PARD3: variants seen among roughly 807,000 people sequenced by gnomAD.
PARD3 encodes the protein partitioning defective 3 homolog.
In PARD3, 75 loss-of-function variants were observed where a neutral mutation model predicts 155.4. The ratio of observed to expected loss-of-function variants is 0.48; its 90% CI spans 0.40 to 0.58. The LOEUF is 0.58. PARD3 is among the 20% of genes least tolerant of loss of function. PARD3 has a pLI of 0.00. For synonymous variants in PARD3, 576 were observed against 610.5 expected (o/e 0.94, Z 0.83); for missense variants, 1,642 against 1,721.7 (o/e 0.95, Z 0.82).
At chr10:34,162,843 C>T (rs1949350700) in intron 22 of PARD3, among the ~76,000 whole-genome samples, 1 of 152,132 alleles carries the variant, frequency 6.6e-6, no homozygotes. Flanking sequence ...CCAGCCTGGC[C>T]ACACACTTCC....
chr10:34,611,645 G>A (rs1172429977), intron 2 of PARD3, among the ~76,000 whole-genome samples: 1 of 151,936 alleles, frequency 6.6e-6, no homozygotes, highest in Non-Finnish European at 1.5e-5. Context: ...GGCTGTCTAG[G>A]AAAAAATCTG....
intron 2 of PARD3, among the ~76,000 whole-genome samples, chr10:34,519,039 C>G (rs992263748): frequency 1.3e-5 from 2 of 152,030 alleles, no homozygotes; most frequent in African/African-American, 4.8e-5. Flanking sequence ...TCCATCTAAT[C>G]GTGAGGAAAC....
intron 3 of PARD3, among the ~76,000 whole-genome samples, chr10:34,505,459 T>A (rs1405721213): frequency 6.6e-6 from 1 of 152,168 alleles, no homozygotes; most frequent in Non-Finnish European, 1.5e-5. Context: ...TTTTGAATGA[T>A]ACAGAGAGCT....
chr10:34,349,579 G>GAAAAAAAAAAAAAAA (rs1282340618), intron 14 of PARD3, among the ~76,000 whole-genome samples: 1 of 11,354 alleles, frequency 8.8e-5, no homozygotes, highest in African/African-American at 5.6e-4. Context: ...CTCTGGGAAA[G>GAAAAAAAAAAAAAAA]TAAAAAAAAA....
chr10:34,711,009 C>G (rs1238109441), intron 1 of PARD3, among the ~76,000 whole-genome samples: 1 of 152,108 alleles, frequency 6.6e-6, no homozygotes, highest in Non-Finnish European at 1.5e-5. Context: ...GACTCCATCT[C>G]TATAAAGCAA....
chr10:34,522,306 G>T (rs1456094057), intron 2 of PARD3, among the ~76,000 whole-genome samples: 1 of 152,054 alleles, frequency 6.6e-6, no homozygotes, highest in Non-Finnish European at 1.5e-5. Flanking sequence ...AGAAGGCAAG[G>T]ATATAGATTC....
chr10:34,229,750 G>A (rs1356361206), intron 22 of PARD3, among the ~76,000 whole-genome samples: 1 of 151,816 alleles, frequency 6.6e-6, no homozygotes, highest in Non-Finnish European at 1.5e-5. Flanking sequence ...TATGTTTTCA[G>A]TACACCTAAT....
chr10:34,753,821 A>G (rs1308492601), intron 1 of PARD3, among the ~76,000 whole-genome samples: 1 of 152,216 alleles, frequency 6.6e-6, no homozygotes, highest in Non-Finnish European at 1.5e-5. Flanking sequence ...CCGGGGCTGC[A>G]CAAGCCATCT....
intron 2 of PARD3, among the ~76,000 whole-genome samples, chr10:34,544,020 T>C (rs2083849781): frequency 6.6e-6 from 1 of 152,186 alleles, no homozygotes; most frequent in Admixed American, 6.5e-5. Context: ...CAACAAGACT[T>C]GGTTGACAAT....
chr10:34,542,959 G>C (rs493392), intron 2 of PARD3, among the ~76,000 whole-genome samples: 73,117 of 152,012 alleles, frequency 0.48, 18,375 homozygotes, highest in African/African-American at 0.64. Flanking sequence ...CTCAGGCCAT[G>C]AGAACATGCT....
chr10:34,744,872 C>A (rs1835114216), intron 1 of PARD3, among the ~76,000 whole-genome samples: 1 of 152,172 alleles, frequency 6.6e-6, no homozygotes, highest in Admixed American at 6.5e-5. Context: ...TCCAGATGGT[C>A]ATCACAATCA....
chr10:34,350,815 G>A (rs1027517132), intron 14 of PARD3, among the ~76,000 whole-genome samples: 13 of 152,116 alleles, frequency 8.5e-5, no homozygotes, highest in African/African-American at 3.1e-4. Context: ...CCCAAGGAAA[G>A]TCTTTCTACC....
rs139392538 is a variant in PARD3 at position 34,742,466 on chromosome 10, G to A, written c.121-46047C>T. Among the ~76,000 whole-genome samples the A allele has an allele frequency of 1.4e-4, 22 of 152,272 alleles. No homozygotes were observed. In the East Asian group the frequency reaches 3.9e-3, roughly 27 times the overall value. ...TGGCTGGATGGCCTCTACACAACACGGCTCCCAGGGGTGGTCCCGTCTCAC... is the reference window on the plus strand; with the variant it reads ...TGGCTGGATGGCCTCTACACAACACAGCTCCCAGGGGTGGTCCCGTCTCAC... On this transcript the variant is annotated intron_variant, in intron 1 of 24. Coordinates refer to ENST00000374788, the MANE Select transcript of PARD3 (RefSeq NM_001184785.2).
At chr10:34,745,223 C>T (rs969142638) in intron 1 of PARD3, among the ~76,000 whole-genome samples, 1 of 152,156 alleles carries the variant, frequency 6.6e-6, no homozygotes, top group East Asian at 1.9e-4. Context: ...ATCAACCAGG[C>T]TTGGTAGCAT....
chr10:34,454,694 A>T (rs1264449527), intron 4 of PARD3, among the ~76,000 whole-genome samples: 1 of 152,168 alleles, frequency 6.6e-6, no homozygotes, highest in Non-Finnish European at 1.5e-5. Context: ...GGCTGCCCCA[A>T]ATAGCTGCTC....
intron 22 of PARD3, among the ~76,000 whole-genome samples, chr10:34,171,336 G>A (rs1001726216): frequency 6.6e-6 from 1 of 152,146 alleles, no homozygotes; most frequent in Non-Finnish European, 1.5e-5. Flanking sequence ...GGCTTTTGCA[G>A]CATCATGTTC....
At position 34,741,174 on chromosome 10, in the gene PARD3, A is replaced by ATTTT. The variant is rs71033345; in HGVS notation, c.121-44759_121-44756dup. On this transcript the variant is annotated intron_variant, in intron 1 of 24. Transcript: ENST00000374788. Reference sequence around the variant, plus strand: ...CAACTGCTGTGTTTTCGTAAACCAAATTTTTTTTTTTTTTTTTTTTGTTTG... The same window carrying ATTTT: ...CAACTGCTGTGTTTTCGTAAACCAAATTTTTTTTTTTTTTTTTTTTTTTTGTTTG... 3.9e-3 allele frequency among the ~76,000 whole-genome samples: 440 copies of ATTTT among 114,280 alleles called. 8 individuals are homozygous for ATTTT. Among genetic ancestry groups the ATTTT allele is most frequent in the Middle Eastern group, 0.037 (5 of 136 alleles). The allele number at this position is 114,280 out of a possible 152,430, so 75.0% of individuals were successfully genotyped here. A position where few individuals can be genotyped will look rare whatever the true frequency, so the allele number is the denominator to read the frequency against.
At chr10:34,637,340 G>GA (rs1207520311) in intron 2 of PARD3, among the ~76,000 whole-genome samples, 2 of 152,192 alleles carry the variant, frequency 1.3e-5, no homozygotes, top group East Asian at 1.9e-4. Context: ...AGGGATGAAA[G>GA]AAAAAAGACT....
At chr10:34,642,167 C>A (rs1348451017) in intron 2 of PARD3, among the ~76,000 whole-genome samples, 1 of 152,028 alleles carries the variant, frequency 6.6e-6, no homozygotes, top group Non-Finnish European at 1.5e-5. Context: ...GCTCATGGCC[C>A]CCATGCACAC....
Sources: allele counts gnomAD v4.1 joint callset (sites outside exome capture counted in the v4.1 genomes callset), GRCh38; gene constraint gnomAD v4.1.1; transcripts MANE v1.5; gene names NCBI Gene and HGNC (gene_info 2026-07-23, HGNC 2026-07-21).